Variants in RXRA observed in about 807,000 individuals in gnomAD.
RXRA encodes retinoid X receptor alpha, also known as retinoic acid receptor RXR-alpha.
Under a neutral mutation model 44.5 loss-of-function variants are expected in RXRA, and 5 were observed. The observed-to-expected ratio is 0.11, with a 90% CI of 0.06 to 0.24. RXRA has a LOEUF of 0.24. Among genes scored for constraint, RXRA ranks in the 10% least tolerant of loss-of-function variants. The pLI is 1.00. For missense variants in RXRA, 412 were observed against 646.5 expected (o/e 0.64, Z 3.93); for synonymous variants, 291 against 271.4 (o/e 1.07, Z -0.71).
intron 4 of RXRA, among the ~76,000 whole-genome samples, chr9:134,410,133 G>C (rs942089048): frequency 2.0e-5 from 3 of 152,246 alleles, no homozygotes; most frequent in Admixed American, 6.5e-5. Flanking sequence ...TGAGAAATCA[G>C]AGCCTCTGCC....
chr9:134,374,940 C>T (rs1302540441), intron 1 of RXRA, among the ~76,000 whole-genome samples: 1 of 152,206 alleles, frequency 6.6e-6, no homozygotes, highest in Non-Finnish European at 1.5e-5. Context: ...AGGCACTGGC[C>T]AGGGCCCAGG....
rs782576470 is a variant in RXRA, at chr9:134,343,851, C to A, written c.28+17192C>A. 3.9e-5 allele frequency among the ~76,000 whole-genome samples: 6 copies of A among 152,150 alleles called. No homozygotes were observed. Among genetic ancestry groups the A allele is most frequent in the Non-Finnish European group, 7.4e-5 (5 of 68,018 alleles). ...GTTTCTTCCCGGAAGGCGGGGCCAG[C>A]TGGCTGGGTCAGCAGATGGGCTCCT... is the stretch of plus-strand genomic sequence containing the variant. On this transcript the variant is annotated intron_variant, in intron 1 of 9. Coordinates refer to ENST00000481739, the MANE Select transcript of RXRA (RefSeq NM_002957.6). This position sits in a 1 kb window ranked among gnomAD's most constrained non-coding sequence, Gnocchi z 4.1.
chr9:134,416,780 C>T (rs936475463), intron 4 of RXRA, among the ~76,000 whole-genome samples: 5 of 152,130 alleles, frequency 3.3e-5, no homozygotes, highest in African/African-American at 1.2e-4. Flanking sequence ...GCCATGATTC[C>T]TCTGCAACCT....
intron 1 of RXRA, among the ~76,000 whole-genome samples, chr9:134,371,458 C>G (rs1254112002): frequency 6.6e-6 from 1 of 152,224 alleles, no homozygotes; most frequent in African/African-American, 2.4e-5. Context: ...CCAGCGAGAG[C>G]CAGCTGGGCT....
At chr9:134,368,586 CTG>C (rs1048577914) in intron 1 of RXRA, among the ~76,000 whole-genome samples, 4 of 151,450 alleles carry the variant, frequency 2.6e-5, no homozygotes, top group South Asian at 2.1e-4. Flanking sequence ...GTATGTGTGA[CTG>C]TAGGTGACTG....
At chr9:134,327,172 T>C (rs1554746144) in intron 1 of RXRA, among the ~76,000 whole-genome samples, 1 of 151,970 alleles carries the variant, frequency 6.6e-6, no homozygotes, top group African/African-American at 2.4e-5. Context: ...GACCCTGTTA[T>C]CCCCAAAGCA....
chr9:134,336,386 C>G (rs1271321346), intron 1 of RXRA, among the ~76,000 whole-genome samples: 6 of 152,238 alleles, frequency 3.9e-5, no homozygotes, highest in African/African-American at 7.2e-5. Context: ...GACAGTGGGC[C>G]TGGGCAATGG....
chr9:134,378,309 G>A (rs1414273589), intron 1 of RXRA, among the ~76,000 whole-genome samples: 1 of 151,960 alleles, frequency 6.6e-6, no homozygotes, highest in African/African-American at 2.4e-5. Flanking sequence ...GCCGGTGCTG[G>A]TGTTGCTGCC....
chr9:134,392,549 C>T (rs1388409995), intron 1 of RXRA, among the ~76,000 whole-genome samples: 7 of 152,204 alleles, frequency 4.6e-5, no homozygotes, highest in East Asian at 1.9e-4. Context: ...ATTTCCATCA[C>T]GGCTCTCCTC....
At position 134,433,061 on chromosome 9, in the gene RXRA, C is replaced by T. The variant is rs372981620; in HGVS notation, c.1136-1041C>T. On this transcript the variant is annotated intron_variant, in intron 8 of 9. Coordinates refer to ENST00000481739, the MANE Select transcript of RXRA (RefSeq NM_002957.6). The surrounding 1 kb of genome is among the most constrained non-coding windows in gnomAD (Gnocchi z 4.2). ...TATGGTGGAGGGAGTGGAGCCCTCT[C>T]GGCTCCTGGCCCTGACCTTCTGACC... 6.6e-5 allele frequency among the ~76,000 whole-genome samples: 10 copies of T among 152,110 alleles called. No individual in the cohort carries two copies. The highest frequency in any genetic ancestry group is 1.5e-4 in the Non-Finnish European group (10 of 68,028).
At chr9:134,369,011 T>G (rs1254276174) in intron 1 of RXRA, among the ~76,000 whole-genome samples, 2 of 51,190 alleles carry the variant, frequency 3.9e-5, no homozygotes, top group South Asian at 6.3e-4. Context: ...TGTGTGTGTG[T>G]GTGGGGGGGG....
chr9:134,414,288 G>T (rs541713653), intron 4 of RXRA, among the ~76,000 whole-genome samples: 1 of 152,236 alleles, frequency 6.6e-6, no homozygotes, highest in Non-Finnish European at 1.5e-5. Flanking sequence ...AAGGCCCCTC[G>T]CTCAGGGCCA....
chr9:134,340,343 C>T (rs1554747974), intron 1 of RXRA, among the ~76,000 whole-genome samples: 1 of 152,162 alleles, frequency 6.6e-6, no homozygotes, highest in African/African-American at 2.4e-5. Context: ...AGACTTTGGC[C>T]ATCGTGGGGA....
Position 134,399,572 on chromosome 9 carries a change from A to G in RXRA, c.29-2060A>G, listed in dbSNP as rs531277455. 1.6e-3 allele frequency among the ~76,000 whole-genome samples: 246 copies of G among 152,266 alleles called. 2 individuals are homozygous for G. The highest frequency in any genetic ancestry group is 5.7e-3 in the African/African-American group (235 of 41,546). The stretch of plus-strand genomic sequence containing the variant: ...TGGGCTGCATGTGTTTGATATCTAC[A>G]TGTGGGTCCTGCCTGTCCTCCTCCC... On this transcript the variant is annotated intron_variant, in intron 1 of 9. Coordinates refer to ENST00000481739, the MANE Select transcript of RXRA (RefSeq NM_002957.6).
intron 1 of RXRA, among the ~76,000 whole-genome samples, chr9:134,373,687 G>A: frequency 6.6e-6 from 1 of 152,186 alleles, no homozygotes; most frequent in Non-Finnish European, 1.5e-5. Context: ...CTGGAGGGAG[G>A]TGAGTGGCAC....
At chr9:134,431,784 G>T in intron 7 of RXRA, 121 bp from the exon 8 acceptor site, 1 of 689,806 alleles carries the variant, frequency 1.4e-6, no homozygotes, top group Non-Finnish European at 2.5e-6. Flanking sequence ...GCCTTGGCTT[G>T]GCCCATCTCA....
chr9:134,389,732 C>T (rs1173824218), intron 1 of RXRA, among the ~76,000 whole-genome samples: 1 of 152,166 alleles, frequency 6.6e-6, no homozygotes, highest in Non-Finnish European at 1.5e-5. Context: ...GGCAGACGTT[C>T]CTGCGGGAGG....
intron 6 of RXRA, chr9:134,422,469 C>T (rs1329154522): frequency 1.1e-5 from 14 of 1,251,958 alleles, no homozygotes; most frequent in Non-Finnish European, 1.5e-5. Context: ...GGGACACACT[C>T]CCTGCTACCG....
At chr9:134,370,063 C>G (rs1278523286) in intron 1 of RXRA, among the ~76,000 whole-genome samples, 1 of 152,172 alleles carries the variant, frequency 6.6e-6, no homozygotes, top group East Asian at 1.9e-4. Flanking sequence ...ACTGGGGGCT[C>G]CCAGACAGGT....
Sources: allele counts gnomAD v4.1 joint callset (sites outside exome capture counted in the v4.1 genomes callset), GRCh38; gene constraint gnomAD v4.1.1; non-coding constraint Gnocchi (gnomAD v3.1); transcripts MANE v1.5; gene names NCBI Gene and HGNC (gene_info 2026-07-23, HGNC 2026-07-21).